The following RAB3C variants were observed in gnomAD, a reference collection of about 807,000 sequenced individuals.
The protein encoded by RAB3C is RAB3C, member RAS oncogene family, also known as ras-related protein Rab-3C.
In RAB3C, 17 loss-of-function variants were observed where a neutral mutation model predicts 26.4. That is an observed-to-expected ratio of 0.64 (90% CI 0.44 to 0.97). The LOEUF is 0.97. Among genes scored for constraint, RAB3C ranks in the 50% least tolerant of loss-of-function variants. The pLI, the probability that RAB3C is intolerant of heterozygous loss-of-function variation, is 0.00. For missense variants in RAB3C, 242 were observed against 281.9 expected, an observed-to-expected ratio of 0.86 and a Z score of 1.01; for synonymous variants, 91 against 95.9, an observed-to-expected ratio of 0.95 and a Z score of 0.30.
chr5:58,644,998 T>A (rs1470325035), intron 2 of RAB3C, among the ~76,000 whole-genome samples: 1 of 152,206 alleles, frequency 6.6e-6, no homozygotes, highest in Non-Finnish European at 1.5e-5. Flanking sequence ...AAGAATCAAG[T>A]AATATTAATG....
intron 2 of RAB3C, among the ~76,000 whole-genome samples, chr5:58,654,623 A>G (rs1747727458): frequency 1.3e-5 from 2 of 152,174 alleles, no homozygotes; most frequent in Admixed American, 1.3e-4. Context: ...AAGTCATTAT[A>G]AGGTTTGTGT....
intron 2 of RAB3C, among the ~76,000 whole-genome samples, chr5:58,676,106 G>A (rs952874365): frequency 2.5e-4 from 38 of 152,154 alleles, no homozygotes; most frequent in African/African-American, 8.4e-4. Context: ...GAGGACATAA[G>A]TCACGCTTTC....
intron 3 of RAB3C, among the ~76,000 whole-genome samples, chr5:58,733,409 A>T (rs372277444): frequency 1.3e-5 from 2 of 152,186 alleles, no homozygotes; most frequent in Admixed American, 6.5e-5. Context: ...TGTGCTTCAG[A>T]CTTGTCCATG....
chr5:58,790,431 A>G (rs1015618456), intron 3 of RAB3C, among the ~76,000 whole-genome samples: 28 of 152,194 alleles, frequency 1.8e-4, no homozygotes, highest in Admixed American at 2.0e-4. Context: ...ACAATGCTCA[A>G]ATTAAATGCT....
At chr5:58,847,262 T>A (rs1341389869) in intron 4 of RAB3C, among the ~76,000 whole-genome samples, 2 of 152,180 alleles carry the variant, frequency 1.3e-5, no homozygotes, top group African/African-American at 2.4e-5. Flanking sequence ...CAGTAACTTA[T>A]TTATCAGGAG....
At chr5:58,657,301 G>A (rs1334621752) in intron 2 of RAB3C, among the ~76,000 whole-genome samples, 1 of 152,022 alleles carries the variant, frequency 6.6e-6, no homozygotes, top group Non-Finnish European at 1.5e-5. Context: ...ATACTGCTCA[G>A]GTGATGGGTG....
At chr5:58,616,204 G>GC (rs568796952) in intron 1 of RAB3C, among the ~76,000 whole-genome samples, 152 of 152,252 alleles carry the variant, frequency 1.0e-3, no homozygotes, top group Middle Eastern at 6.8e-3. Flanking sequence ...AGAGTTTTCT[G>GC]CAATTATGCC....
intron 3 of RAB3C, among the ~76,000 whole-genome samples, chr5:58,733,293 G>A (rs1471140411): frequency 2.0e-5 from 3 of 152,102 alleles, no homozygotes; most frequent in African/African-American, 4.8e-5. Flanking sequence ...CATAGAAAAC[G>A]CAGACCTAGT....
At chr5:58,601,685 G>C (rs190443513) in intron 1 of RAB3C, among the ~76,000 whole-genome samples, 1 of 152,020 alleles carries the variant, frequency 6.6e-6, no homozygotes, top group Non-Finnish European at 1.5e-5. Context: ...GGTGTCAGCT[G>C]TAATATCACC....
At chr5:58,669,414 G>A (rs113229838) in intron 2 of RAB3C, among the ~76,000 whole-genome samples, 198 of 152,192 alleles carry the variant, frequency 1.3e-3, no homozygotes, top group Middle Eastern at 6.8e-3. Context: ...CTAATACAAC[G>A]TGGAAAAGAG....
chr5:58,775,980 T>C (rs1298256219), intron 3 of RAB3C, among the ~76,000 whole-genome samples: 1 of 152,086 alleles, frequency 6.6e-6, no homozygotes, highest in African/African-American at 2.4e-5. Context: ...CAAACTTGCA[T>C]TTTCAATCAC....
rs2112030887 is a variant in RAB3C, at chr5:58,804,389, C to T, written c.372-20649C>T. Among the ~76,000 whole-genome samples, 2 of 152,294 alleles carry T rather than the reference C, an allele frequency of 1.3e-5. 1 individual carries two copies. The highest frequency in any genetic ancestry group is 4.1e-4 in the South Asian group (2 of 4,828). ...CTTGCAGAGTCCCCAGAAATTGCTC[C>T]ATTCAGGAATGAATTGTTCCATTCA... On this transcript the variant is annotated intron_variant, in intron 3 of 4. Coordinates refer to ENST00000282878, the MANE Select transcript of RAB3C (RefSeq NM_138453.4).
intron 4 of RAB3C, among the ~76,000 whole-genome samples, chr5:58,841,162 A>T (rs1455302521): frequency 6.6e-6 from 1 of 152,194 alleles, no homozygotes; most frequent in Non-Finnish European, 1.5e-5. Context: ...GCACGGTCAC[A>T]TAGCGACTTT....
At chr5:58,830,111 A>C (rs1308678695) in intron 4 of RAB3C, among the ~76,000 whole-genome samples, 1 of 152,212 alleles carries the variant, frequency 6.6e-6, no homozygotes, top group Non-Finnish European at 1.5e-5. Flanking sequence ...GAAGAATGAC[A>C]AAAAGATACA....
intron 1 of RAB3C, among the ~76,000 whole-genome samples, chr5:58,609,202 A>T (rs1037859322): frequency 5.9e-5 from 9 of 152,060 alleles, no homozygotes; most frequent in African/African-American, 1.7e-4. Flanking sequence ...GAAAAGAAAA[A>T]CCTGAACTAT....
intron 2 of RAB3C, among the ~76,000 whole-genome samples, chr5:58,623,637 G>A (rs1244586397): frequency 1.3e-5 from 2 of 152,238 alleles, no homozygotes; most frequent in African/African-American, 4.8e-5. Flanking sequence ...GAACGCAGGA[G>A]CTCCTACATC....
chr5:58,667,010 T>C lies in RAB3C; in HGVS notation c.252+49140T>C, dbSNP rs1748016010. 2.0e-5 allele frequency among the ~76,000 whole-genome samples: 3 copies of C among 152,174 alleles called. No individual in the cohort carries two copies. The South Asian group carries it at 6.2e-4, about 31-fold the overall frequency. On this transcript the variant is annotated intron_variant, in intron 2 of 4. Coordinates refer to ENST00000282878, the MANE Select transcript of RAB3C (RefSeq NM_138453.4). The stretch of plus-strand genomic sequence containing the variant: ...TTGGAAAACAAAATTATCTGATGCT[T>C]TTAGACAGACTATGTGAAGTGTAAA...
chr5:58,733,894 C>A (rs575263772), intron 3 of RAB3C, among the ~76,000 whole-genome samples: 34 of 152,310 alleles, frequency 2.2e-4, no homozygotes, highest in African/African-American at 8.2e-4. Flanking sequence ...TAACATCTTT[C>A]TGTTCTAAGT....
intron 2 of RAB3C, among the ~76,000 whole-genome samples, chr5:58,680,150 T>C (rs888599307): frequency 6.6e-6 from 1 of 152,186 alleles, no homozygotes; most frequent in African/African-American, 2.4e-5. Context: ...GAGTTCATTT[T>C]TGAGTGAGGA....
Sources: allele counts gnomAD v4.1 joint callset (sites outside exome capture counted in the v4.1 genomes callset), GRCh38; gene constraint gnomAD v4.1.1; transcripts MANE v1.5; gene names NCBI Gene and HGNC (gene_info 2026-07-23, HGNC 2026-07-21).